The following PITPNB variants were observed in gnomAD, a reference collection of about 807,000 sequenced individuals.
PITPNB encodes the protein phosphatidylinositol transfer protein beta isoform.
A neutral mutation model predicts 45.9 loss-of-function variants in PITPNB; 16 were observed. That is an observed-to-expected ratio of 0.35 (90% CI 0.24 to 0.53). The LOEUF (loss-of-function observed/expected upper bound fraction) is 0.53, where lower values mean the gene tolerates loss of function less well. Among genes scored for constraint, PITPNB ranks in the 20% least tolerant of loss-of-function variants. The pLI, the probability that PITPNB is intolerant of heterozygous loss-of-function variation, is 0.93. For missense variants in PITPNB, 188 were observed against 330.5 expected, an observed-to-expected ratio of 0.57 and a Z score of 3.34; for synonymous variants, 112 against 108.9, an observed-to-expected ratio of 1.03 and a Z score of -0.18.
chr22:27,893,806 G>T (rs375618135), intron 7 of PITPNB, among the ~76,000 whole-genome samples: 2 of 151,912 alleles, frequency 1.3e-5, no homozygotes, highest in Non-Finnish European at 2.9e-5. Flanking sequence ...GTCCAGGCTG[G>T]TCTCAAGCTC....
At chr22:27,885,124 G>C (rs990757500) in intron 7 of PITPNB, among the ~76,000 whole-genome samples, 28 of 144,266 alleles carry the variant, frequency 1.9e-4, no homozygotes, top group African/African-American at 6.6e-4. Flanking sequence ...TTCCTCTCCC[G>C]GGAAGTGACT....
At chr22:27,861,888 C>T (rs964364254) in intron 8 of PITPNB, among the ~76,000 whole-genome samples, 1 of 152,230 alleles carries the variant, frequency 6.6e-6, no homozygotes, top group Non-Finnish European at 1.5e-5. Context: ...CTTTAATAAA[C>T]GTTGTATTGA....
chr22:27,902,498 T>C (rs576174191), intron 3 of PITPNB, among the ~76,000 whole-genome samples: 6 of 152,130 alleles, frequency 3.9e-5, no homozygotes, highest in Admixed American at 6.5e-5. Flanking sequence ...GAAAAATTAA[T>C]TGGAGTGGGA....
chr22:27,885,586 T>C (rs957649163), intron 7 of PITPNB, among the ~76,000 whole-genome samples: 3 of 152,204 alleles, frequency 2.0e-5, no homozygotes, highest in African/African-American at 4.8e-5. Flanking sequence ...CATAGCTCAC[T>C]GCAGCCTCGA....
chr22:27,906,797 T>G (rs912426360), intron 3 of PITPNB, among the ~76,000 whole-genome samples: 1 of 152,212 alleles, frequency 6.6e-6, no homozygotes, highest in African/African-American at 2.4e-5. Flanking sequence ...CATGAGATGA[T>G]GTATCACCTG....
chr22:27,875,487 C>A (rs1934796282), intron 7 of PITPNB, among the ~76,000 whole-genome samples: 1 of 152,042 alleles, frequency 6.6e-6, no homozygotes, highest in Admixed American at 6.6e-5. Flanking sequence ...TTCTGATTGA[C>A]AAAAGAATCA....
At chr22:27,853,799 T>C in intron 11 of PITPNB, 136 bp from the exon 12 acceptor site, 1 of 667,894 alleles carries the variant, frequency 1.5e-6, no homozygotes. Context: ...CATCTTACAA[T>C]TTTCATCTGT....
chr22:27,866,144 CA>C (rs1466210130), intron 8 of PITPNB, among the ~76,000 whole-genome samples: 1 of 152,176 alleles, frequency 6.6e-6, no homozygotes, highest in Non-Finnish European at 1.5e-5. Context: ...AAAAGTTCTA[CA>C]AGATGAACGT....
chr22:27,854,036 G>C (rs1174989486), intron 11 of PITPNB, among the ~76,000 whole-genome samples: 1 of 151,710 alleles, frequency 6.6e-6, no homozygotes, highest in Non-Finnish European at 1.5e-5. Flanking sequence ...TCTCACAACT[G>C]AACATTTCAT....
intron 1 of PITPNB, among the ~76,000 whole-genome samples, chr22:27,917,070 C>G (rs1427922201): frequency 1.2e-4 from 18 of 152,130 alleles, no homozygotes; most frequent in Admixed American, 1.2e-3. Context: ...GAAAAAAAAT[C>G]TAGGGGAGAT....
chr22:27,853,753 T>C, intron 11 of PITPNB, 90 bp from the exon 12 acceptor site: 1 of 899,716 alleles, frequency 1.1e-6, no homozygotes, highest in South Asian at 1.4e-5. Flanking sequence ...TCCAAATGCA[T>C]CAAAACTTTT....
intron 8 of PITPNB, among the ~76,000 whole-genome samples, chr22:27,861,830 G>T (rs956604875): frequency 1.3e-5 from 2 of 152,180 alleles, no homozygotes; most frequent in Non-Finnish European, 2.9e-5. Context: ...GTGCTTAGTA[G>T]GTGAGACTGA....
intron 10 of PITPNB, among the ~76,000 whole-genome samples, chr22:27,857,390 A>G (rs1934203123): frequency 6.6e-6 from 1 of 152,240 alleles, no homozygotes. Flanking sequence ...ACTAATTAGA[A>G]GCAGATCTGC....
At chr22:27,907,608 C>G (rs1935801876) in intron 3 of PITPNB, among the ~76,000 whole-genome samples, 1 of 152,132 alleles carries the variant, frequency 6.6e-6, no homozygotes, top group African/African-American at 2.4e-5. Context: ...TCATTCCTCT[C>G]TGTGCTTTTG....
At chr22:27,885,212 TAAAAAAAAAAAAAAAAAAAAAAA>T (rs71194746) in intron 7 of PITPNB, among the ~76,000 whole-genome samples, 45 of 30,234 alleles carry the variant, frequency 1.5e-3, no homozygotes, top group South Asian at 5.7e-3. Context: ...AATTTATACC[TAAAAAAAAAAAAAAAAAAAAAAA>T]AAAAAAAAAA....
chr22:27,856,015 C>T (rs1250914273), intron 10 of PITPNB, among the ~76,000 whole-genome samples: 2 of 152,092 alleles, frequency 1.3e-5, no homozygotes, highest in African/African-American at 4.8e-5. Context: ...CACAAAGCCA[C>T]CATTAGGACT....
intron 8 of PITPNB, chr22:27,860,688 T>C (rs1934302041): frequency 6.5e-6 from 1 of 154,050 alleles, no homozygotes; most frequent in Non-Finnish European, 1.4e-5. Context: ...CACTGTTTAT[T>C]AACTGAGGTA....
intron 10 of PITPNB, among the ~76,000 whole-genome samples, chr22:27,858,002 C>G (rs1312925920): frequency 2.0e-5 from 3 of 150,270 alleles, no homozygotes; most frequent in Admixed American, 2.0e-4. Context: ...ATCATGTTAA[C>G]ATTTGTTAAG....
At chr22:27,874,091 C>T (rs1853608659) in intron 7 of PITPNB, among the ~76,000 whole-genome samples, 1 of 152,206 alleles carries the variant, frequency 6.6e-6, no homozygotes, top group African/African-American at 2.4e-5. Context: ...GGACAGCTGT[C>T]TCCAATAACA....
Sources: allele counts gnomAD v4.1 joint callset (sites outside exome capture counted in the v4.1 genomes callset), GRCh38; gene constraint gnomAD v4.1.1; transcripts MANE v1.5; gene names NCBI Gene and HGNC (gene_info 2026-07-23, HGNC 2026-07-21).